RXRA: variants seen among roughly 807,000 people sequenced by gnomAD.
The protein encoded by RXRA is retinoid X receptor alpha, also known as retinoic acid receptor RXR-alpha.
In RXRA, 5 loss-of-function variants were observed where a neutral mutation model predicts 44.5. The observed-to-expected ratio is 0.11, with a 90% CI of 0.06 to 0.24. The LOEUF (loss-of-function observed/expected upper bound fraction) is 0.24, where lower values mean the gene tolerates loss of function less well. Among genes scored for constraint, RXRA ranks in the 10% least tolerant of loss-of-function variants. The pLI is 1.00. For missense variants in RXRA, 412 were observed against 646.5 expected (o/e 0.64, Z 3.93); for synonymous variants, 291 against 271.4 (o/e 1.07, Z -0.71).
chr9:134,425,673 C>T, intron 6 of RXRA: 1 of 985,206 alleles, frequency 1.0e-6, no homozygotes, highest in Non-Finnish European at 1.2e-6. Flanking sequence ...GGACAGCACA[C>T]CACTTTACTC....
chr9:134,409,539 GT>G (rs908167769), intron 4 of RXRA, among the ~76,000 whole-genome samples: 2 of 152,238 alleles, frequency 1.3e-5, no homozygotes, highest in East Asian at 1.9e-4. Flanking sequence ...CTTTCCTTTT[GT>G]TTTTGTGCTC....
intron 1 of RXRA, among the ~76,000 whole-genome samples, chr9:134,400,171 C>T (rs1233038364): frequency 3.9e-5 from 6 of 152,180 alleles, no homozygotes; most frequent in Admixed American, 3.9e-4. Flanking sequence ...TCCTGAGATG[C>T]AGGGTGCACA....
chr9:134,326,672 C>G lies in RXRA; in HGVS notation c.28+13C>G. The G allele has an allele frequency of 2.2e-6, 2 of 911,504 alleles. No homozygotes were observed. The highest frequency in any genetic ancestry group is 2.6e-6 in the Non-Finnish European group (2 of 768,774). 56.5% of individuals were successfully genotyped at this position (911,504 alleles called of 1,614,324 possible). A position where few individuals can be genotyped will look rare whatever the true frequency, so the allele number is the denominator to read the frequency against. ...TTCCTGCCGCTCGGTGAGTGCTCGCCGGGCCGGGCGGGGACGGGGCCGGGG... is the reference window on the plus strand; with the variant it reads ...TTCCTGCCGCTCGGTGAGTGCTCGCGGGGCCGGGCGGGGACGGGGCCGGGG... On this transcript the variant is annotated intron_variant, in intron 1 of 9. Coordinates refer to ENST00000481739, the MANE Select transcript of RXRA (RefSeq NM_002957.6).
At chr9:134,360,757 G>A (rs575713321) in intron 1 of RXRA, among the ~76,000 whole-genome samples, 7 of 152,276 alleles carry the variant, frequency 4.6e-5, no homozygotes, top group African/African-American at 1.4e-4. Context: ...GGAATAAAGA[G>A]CCCCCTTACA....
intron 1 of RXRA, among the ~76,000 whole-genome samples, chr9:134,357,930 AGAGGAG>A (rs10565173): frequency 1.7e-4 from 26 of 151,656 alleles, no homozygotes; most frequent in Admixed American, 5.2e-4. Context: ...GAGCCACAGC[AGAGGAG>A]GAGGAGGAGG....
rs970106469 is a variant in RXRA, at chr9:134,365,979, G to A, written c.29-35653G>A. Among the ~76,000 whole-genome samples the A allele has an allele frequency of 6.6e-6, 1 of 152,116 alleles. No homozygotes were observed. The highest frequency in any genetic ancestry group is 1.5e-5 in the Non-Finnish European group (1 of 67,994). Reference sequence around the variant, plus strand: ...GTCCGCTGAGCGACCCCTAGGAGCCGCCTGTCTTTGCAGGAGCCGCGGGGA... The same window carrying A: ...GTCCGCTGAGCGACCCCTAGGAGCCACCTGTCTTTGCAGGAGCCGCGGGGA... On this transcript the variant is annotated intron_variant, in intron 1 of 9. Transcript: ENST00000481739. This position sits in a 1 kb window ranked among gnomAD's most constrained non-coding sequence, Gnocchi z 4.0.
At chr9:134,346,763 C>T (rs1263503894) in intron 1 of RXRA, among the ~76,000 whole-genome samples, 5 of 152,234 alleles carry the variant, frequency 3.3e-5, no homozygotes, top group African/African-American at 4.8e-5. Flanking sequence ...GAGTCTGAAG[C>T]CCAGGGTGGG....
At chr9:134,431,093 G>C (rs34469011) in intron 7 of RXRA, among the ~76,000 whole-genome samples, 5,817 of 152,314 alleles carry the variant, frequency 0.038, 135 homozygotes, top group East Asian at 0.11. Context: ...TGGCCCACAG[G>C]GGAGAGCCCA....
rs1830403923 is a variant in RXRA, at chr9:134,365,571, G to T, written c.29-36061G>T. On this transcript the variant is annotated intron_variant, in intron 1 of 9. Coordinates refer to ENST00000481739, the MANE Select transcript of RXRA (RefSeq NM_002957.6). This position sits in a 1 kb window ranked among gnomAD's most constrained non-coding sequence, Gnocchi z 4.0. Reference sequence around the variant, plus strand: ...GCTGCACTGGGGCCTGGGTGGTAGGGGGTGATCTGCTTGTCCAGTGGTTTC... The same window carrying T: ...GCTGCACTGGGGCCTGGGTGGTAGGTGGTGATCTGCTTGTCCAGTGGTTTC... Among the ~76,000 whole-genome samples, 1 of 152,208 alleles carries T rather than the reference G, an allele frequency of 6.6e-6. No individual in the cohort carries two copies. Among genetic ancestry groups the T allele is most frequent in the Non-Finnish European group, 1.5e-5 (1 of 68,032 alleles).
Position 134,436,729 on chromosome 9 carries a change from T to C in RXRA, c.*115T>C, listed in dbSNP as rs1489056477. Reference sequence around the variant, plus strand: ...TTCTCTGCCTGGCCTGTTTGGACTTTGGGGCACAGCCTGTCACTGCTCTGC... The same window carrying C: ...TTCTCTGCCTGGCCTGTTTGGACTTCGGGGCACAGCCTGTCACTGCTCTGC... On this transcript the variant is annotated 3_prime_UTR_variant, in exon 10 of 10. Coordinates refer to ENST00000481739, the MANE Select transcript of RXRA (RefSeq NM_002957.6). The C allele has an allele frequency of 1.7e-6, 2 of 1,190,586 alleles. No homozygotes were observed. The highest frequency in any genetic ancestry group is 3.0e-5 in the African/African-American group (2 of 65,926). 73.8% of individuals were successfully genotyped at this position (1,190,586 alleles called of 1,614,324 possible).
At chr9:134,327,452 C>T (rs1271051664) in intron 1 of RXRA, among the ~76,000 whole-genome samples, 1 of 152,020 alleles carries the variant, frequency 6.6e-6, no homozygotes, top group African/African-American at 2.4e-5. Flanking sequence ...ATGGCTGGGG[C>T]CCCCACCCAT....
In RXRA at chr9:134,349,132, G is replaced by GGTCCTGAACACT. The variant is rs1830190501; in HGVS notation, c.28+22475_28+22486dup. On this transcript the variant is annotated intron_variant, in intron 1 of 9. Coordinates refer to ENST00000481739, the MANE Select transcript of RXRA (RefSeq NM_002957.6). The surrounding 1 kb of genome is among the most constrained non-coding windows in gnomAD (Gnocchi z 4.3). The stretch of plus-strand genomic sequence containing the variant: ...CCTGAACTCACCGAGGGCCAGGAGG[G>GGTCCTGAACACT]GTCCTGAACACTGCCCTGCCTCATG... Among the ~76,000 whole-genome samples the GGTCCTGAACACT allele has an allele frequency of 6.6e-6, 1 of 152,218 alleles. No homozygotes were observed.
intron 1 of RXRA, among the ~76,000 whole-genome samples, chr9:134,351,643 A>G (rs544352804): frequency 1.3e-4 from 20 of 152,268 alleles, no homozygotes; most frequent in Non-Finnish European, 2.4e-4. Flanking sequence ...CGGTTTGAGT[A>G]TTTTTCTTGA....
chr9:134,385,036 G>A (rs1830698893), intron 1 of RXRA, among the ~76,000 whole-genome samples: 1 of 152,202 alleles, frequency 6.6e-6, no homozygotes, highest in Non-Finnish European at 1.5e-5. Context: ...ACAGGGTGTG[G>A]GCCGTGAGTC....
At chr9:134,356,436 G>T (rs62576325) in intron 1 of RXRA, among the ~76,000 whole-genome samples, 31,831 of 152,022 alleles carry the variant, frequency 0.21, 3,410 homozygotes, top group African/African-American at 0.23. Flanking sequence ...TGCTGGCCGG[G>T]CCGGGGAGCC....
intron 1 of RXRA, among the ~76,000 whole-genome samples, chr9:134,354,334 A>C (rs1220907230): frequency 1.3e-5 from 2 of 152,230 alleles, no homozygotes; most frequent in Non-Finnish European, 2.9e-5. Flanking sequence ...TGACTTCTGC[A>C]GAATTTTCTG....
chr9:134,356,420 A>G (rs1830283894), intron 1 of RXRA, among the ~76,000 whole-genome samples: 1 of 150,866 alleles, frequency 6.6e-6, no homozygotes, highest in African/African-American at 2.4e-5. Flanking sequence ...TGGGCTGGGG[A>G]TTGCATGCTG....
intron 1 of RXRA, among the ~76,000 whole-genome samples, chr9:134,335,995 A>G (rs1042878217): frequency 1.3e-5 from 2 of 152,154 alleles, no homozygotes; most frequent in Non-Finnish European, 2.9e-5. Flanking sequence ...GAGGGAGGAA[A>G]ACAGCTCTGA....
rs1294176291 is a variant in RXRA at position 134,422,422 on chromosome 9, C to T, written c.910+617C>T. The T allele has an allele frequency of 8.6e-6, 11 of 1,275,498 alleles. No homozygotes were observed. The African/African-American group carries it at 1.2e-4, about 14-fold the overall frequency. The allele number at this position is 1,275,498 out of a possible 1,614,324, so 79.0% of individuals were successfully genotyped here. The stretch of plus-strand genomic sequence containing the variant: ...CCCGTCCCGTGACATTCCACTCTCC[C>T]TGGACGCTCCCCTCTCCCTAGACAC... On this transcript the variant is annotated intron_variant, in intron 6 of 9. Coordinates refer to ENST00000481739, the MANE Select transcript of RXRA (RefSeq NM_002957.6).
Sources: gnomAD v4.1 joint callset for allele counts (sites outside exome capture counted in the v4.1 genomes callset) on GRCh38, gnomAD v4.1.1 for gene constraint, Gnocchi (gnomAD v3.1) non-coding constraint, MANE v1.5 for transcripts, NCBI Gene and HGNC (gene_info 2026-07-23, HGNC 2026-07-21) for gene names.